TRIM38: variants seen among roughly 807,000 people sequenced by gnomAD.
TRIM38 encodes the protein E3 ubiquitin-protein ligase TRIM38.
A neutral mutation model predicts 35.8 loss-of-function variants in TRIM38; 35 were observed. The observed-to-expected ratio is 0.98, with a 90% CI of 0.75 to 1.30. The LOEUF is 1.30. Among genes scored for constraint, TRIM38 ranks in the 50% most tolerant of loss-of-function variants. The pLI, the probability that TRIM38 is intolerant of heterozygous loss-of-function variation, is 0.00. For synonymous variants in TRIM38, 198 were observed against 204.7 expected (o/e 0.97, Z 0.28); for missense variants, 545 against 556.9 (o/e 0.98, Z 0.21).
At chr6:25,967,292 A>G (rs1760087205) in intron 3 of TRIM38, among the ~76,000 whole-genome samples, 1 of 152,222 alleles carries the variant, frequency 6.6e-6, no homozygotes, top group Admixed American at 6.5e-5. Flanking sequence ...AAAACAGGGA[A>G]GAAAGACCCA....
Position 25,966,841 on chromosome 6 carries a change from G to T in TRIM38, c.319G>T (p.Glu107Ter). ...GEQFHLFCED[E>*]GQLICWRCER... ...GCAGTTCCACCTGTTCTGCGAAGAC[G>T]AGGGGCAGCTCATCTGCTGGCGCTG... Residue 107 changes from glutamate to a stop codon, truncating the protein, a stop_gained, in exon 3 of 8, where the codon GAG (glutamate) becomes TAG (stop). Transcript: ENST00000357085. LOFTEE classifies it high-confidence loss of function. 1 of 1,614,194 alleles carries T rather than the reference G, an allele frequency of 6.2e-7. No homozygotes were observed. The highest frequency in any genetic ancestry group is 8.5e-7 in the Non-Finnish European group (1 of 1,180,030).
intron 3 of TRIM38, 89 bp downstream of exon 3, chr6:25,967,022 T>G: frequency 7.4e-7 from 1 of 1,358,612 alleles, no homozygotes; most frequent in Non-Finnish European, 1.0e-6. Context: ...AACCTAACAT[T>G]ATGACTTGGA....
chr6:25,978,914 C>A (rs912363087), intron 7 of TRIM38, among the ~76,000 whole-genome samples: 2 of 152,078 alleles, frequency 1.3e-5, no homozygotes, highest in East Asian at 3.9e-4. Flanking sequence ...GTGATTGACC[C>A]GCCTCAGCCT....
At chr6:25,975,403 T>C (rs1760362673) in intron 7 of TRIM38, 1 of 183,214 alleles carries the variant, frequency 5.5e-6, no homozygotes, top group Non-Finnish European at 1.0e-5. Context: ...GGTTTCACAA[T>C]GTTGGCCAGG....
In TRIM38 at chr6:25,963,245, G is replaced by C. The variant is rs112770666; in HGVS notation, c.-226G>C. 16 of 152,432 alleles carry C rather than the reference G, an allele frequency of 1.0e-4. No individual in the cohort carries two copies. Among genetic ancestry groups the C allele is most frequent in the African/African-American group, 3.4e-4 (14 of 41,552 alleles). The allele number at this position is 152,432 out of a possible 1,614,324, so 9.4% of individuals were successfully genotyped here. On this transcript the variant is annotated 5_prime_UTR_variant, in exon 2 of 8. Transcript: ENST00000357085. ...CAGAAGAAATTCTGTGTGGCTTCAAGAGACTGATCAAATTGTGAGAGGAAA... is the reference window on the plus strand; with the variant it reads ...CAGAAGAAATTCTGTGTGGCTTCAACAGACTGATCAAATTGTGAGAGGAAA...
intron 3 of TRIM38, 30 bp from the exon 4 acceptor site, chr6:25,969,295 T>C: frequency 6.4e-7 from 1 of 1,565,342 alleles, no homozygotes; most frequent in Non-Finnish European, 8.8e-7. Flanking sequence ...TCAAATTGAA[T>C]AGGCTTCACT....
intron 2 of TRIM38, among the ~76,000 whole-genome samples, chr6:25,964,857 G>T (rs1759969263): frequency 6.6e-6 from 1 of 150,512 alleles, no homozygotes; most frequent in Non-Finnish European, 1.5e-5. Context: ...TTTCACCCAG[G>T]CTGGAGTGCA....
rs771830791 is a variant in TRIM38 at position 25,966,596 on chromosome 6, A to G, written c.74A>G (p.Asn25Ser). 3 of 1,614,196 alleles carry G rather than the reference A, an allele frequency of 1.9e-6. No homozygotes were observed. The highest frequency in any genetic ancestry group is 2.2e-5 in the South Asian group (2 of 91,082). ...TCSICLSLMT[N>S]PVSINCGHSY... ...TCCATCTGCCTGAGCCTGATGACGAACCCAGTAAGCATCAACTGTGGACAC... is the reference window on the plus strand; with the variant it reads ...TCCATCTGCCTGAGCCTGATGACGAGCCCAGTAAGCATCAACTGTGGACAC... Residue 25 changes from asparagine (N) to serine (S), a missense_variant, in exon 3 of 8, where the codon AAC becomes AGC. Coordinates refer to ENST00000357085, the MANE Select transcript of TRIM38 (RefSeq NM_006355.5).
chr6:25,985,873 T>G lies in TRIM38; in HGVS notation c.*2186T>G, dbSNP rs1274578839. 2 of 152,110 alleles carry G rather than the reference T, an allele frequency of 1.3e-5. No homozygotes were observed. The highest frequency in any genetic ancestry group is 2.4e-5 in the African/African-American group (1 of 41,410). The allele number at this position is 152,110 out of a possible 1,614,324, so 9.4% of individuals were successfully genotyped here. ...ATTCTATATCCCTAAGCACTTAGAT[T>G]GCTGAATAAGAAAGAATGATAATAA... On this transcript the variant is annotated 3_prime_UTR_variant, in exon 8 of 8. Coordinates refer to ENST00000357085, the MANE Select transcript of TRIM38 (RefSeq NM_006355.5).
chr6:25,965,394 C>T (rs1169004857), intron 2 of TRIM38, among the ~76,000 whole-genome samples: 1 of 152,148 alleles, frequency 6.6e-6, no homozygotes, highest in Non-Finnish European at 1.5e-5. Flanking sequence ...ATGATAGTGG[C>T]TACTGTATTA....
In TRIM38 at chr6:25,985,730, T is replaced by G. The variant is rs1040130987; in HGVS notation, c.*2043T>G. 2 of 152,190 alleles carry G rather than the reference T, an allele frequency of 1.3e-5. No individual in the cohort carries two copies. The highest frequency in any genetic ancestry group is 2.9e-5 in the Non-Finnish European group (2 of 68,038). 9.4% of individuals were successfully genotyped at this position (152,190 alleles called of 1,614,324 possible). A position where few individuals can be genotyped will look rare whatever the true frequency, so the allele number is the denominator to read the frequency against. ...AGTGAAGATGTAATCTGGATATTCA[T>G]AAGCTCTTCTCTACCTCTTGGCATC... On this transcript the variant is annotated 3_prime_UTR_variant, in exon 8 of 8. Transcript: ENST00000357085.
At chr6:25,982,072 A>G (rs1344101565) in intron 7 of TRIM38, among the ~76,000 whole-genome samples, 3 of 152,072 alleles carry the variant, frequency 2.0e-5, no homozygotes, top group African/African-American at 7.2e-5. Flanking sequence ...TGGCCTTTGG[A>G]ACACCAAGCT....
rs144606645 is a variant in TRIM38 at position 25,989,268 on chromosome 6, T to G, written c.*5581T>G. On this transcript the variant is annotated 3_prime_UTR_variant, in exon 8 of 8. Coordinates refer to ENST00000357085, the MANE Select transcript of TRIM38 (RefSeq NM_006355.5). ...TTTTCTTACTGTTGAGTTTTAAGTATTCTTTGTATATTCTAAAAATATTGT... is the reference window on the plus strand; with the variant it reads ...TTTTCTTACTGTTGAGTTTTAAGTAGTCTTTGTATATTCTAAAAATATTGT... The G allele has an allele frequency of 3.3e-5, 5 of 152,346 alleles. No individual in the cohort carries two copies. The highest frequency in any genetic ancestry group is 5.9e-5 in the Non-Finnish European group (4 of 68,026). The allele number at this position is 152,346 out of a possible 1,614,324, so 9.4% of individuals were successfully genotyped here.
rs746457578 is a variant in TRIM38 at position 25,973,285 on chromosome 6, G to GGT, written c.874+1_874+2dup. ...GAAGAAAATGTTAAGGAGTCATCAA[G>GGT]GTATGTTCACTAAAGAATTCCTGAA... On this transcript the variant is annotated frameshift_variant and splice_region_variant. Coordinates refer to ENST00000357085, the MANE Select transcript of TRIM38 (RefSeq NM_006355.5). LOFTEE classifies it high-confidence loss of function. 7.4e-6 allele frequency: 12 copies of GGT among 1,613,038 alleles called. No homozygotes were observed. In the South Asian group the frequency reaches 1.3e-4, roughly 18 times the overall value.
In TRIM38 at chr6:25,990,543, A is replaced by G. The variant is rs1760810217; in HGVS notation, c.*6856A>G. 6.6e-6 allele frequency: 1 copy of G among 152,112 alleles called. No individual in the cohort carries two copies. Among genetic ancestry groups the G allele is most frequent in the African/African-American group, 2.4e-5 (1 of 41,410 alleles). The allele number at this position is 152,112 out of a possible 1,614,324, so 9.4% of individuals were successfully genotyped here. The stretch of plus-strand genomic sequence containing the variant: ...GGTCTTGAACTACTGGGCTCAAGCA[A>G]TCCTCCCACCTTAGCCTCCCAAAGT... On this transcript the variant is annotated 3_prime_UTR_variant, in exon 8 of 8. Transcript: ENST00000357085.
In TRIM38 at chr6:25,983,508, G is replaced by C. The variant is rs749899732; in HGVS notation, c.1219G>C (p.Glu407Gln). 6.2e-7 allele frequency: 1 copy of C among 1,614,116 alleles called. No homozygotes were observed. Among genetic ancestry groups the C allele is most frequent in the East Asian group, 2.2e-5 (1 of 44,864 alleles). ...TSPPTSLHLHEQPLLVGIFLD... is the reference protein window; with the variant it reads ...TSPPTSLHLHQQPLLVGIFLD... ...TCCCCCAACTTCCCTTCATCTGCAT[G>C]AGCAGCCCCTGCTTGTGGGAATTTT... The change falls in exon 8 of 8, where the codon GAG (glutamate) becomes CAG (glutamine). Residue 407 changes from glutamate (E) to glutamine (Q), a missense_variant. Glu to Gln is a conservative substitution (Grantham distance 29). Coordinates refer to ENST00000357085, the MANE Select transcript of TRIM38 (RefSeq NM_006355.5).
Position 25,972,019 on chromosome 6 carries a change from G to T in TRIM38, c.658G>T (p.Gly220Trp). The T allele has an allele frequency of 6.2e-7, 1 of 1,614,162 alleles. No individual in the cohort carries two copies. Among genetic ancestry groups the T allele is most frequent in the Non-Finnish European group, 8.5e-7 (1 of 1,180,032 alleles). The change falls in exon 5 of 8, where the codon GGG (glycine) becomes TGG (tryptophan). Residue 220 changes from glycine (G) to tryptophan (W), a missense_variant. By Grantham distance (184) the Gly-to-Trp change is radical. Transcript: ENST00000357085. ...SRLRDYEAGL[G>W]LKSNELKSHI... is the part of the protein sequence containing the mutation. ...ACTGAGGGACTATGAGGCTGGTCTG[G>T]GGCTGAAGAGCAATGAACTCAAGAG... is the stretch of plus-strand genomic sequence containing the variant.
chr6:25,975,775 A>ATT, intron 7 of TRIM38: 4 of 816,798 alleles, frequency 4.9e-6, no homozygotes, highest in Non-Finnish European at 5.9e-6. Flanking sequence ...AATATTCCAT[A>ATT]AGAATATAAT....
chr6:25,963,661 A>C (rs1047300517), intron 2 of TRIM38, among the ~76,000 whole-genome samples: 2 of 152,180 alleles, frequency 1.3e-5, no homozygotes, highest in Non-Finnish European at 2.9e-5. Flanking sequence ...GCTCCTCAGG[A>C]GCAAACCCTC....
Sources: gnomAD v4.1 joint callset for allele counts (sites outside exome capture counted in the v4.1 genomes callset) on GRCh38, gnomAD v4.1.1 for gene constraint, MANE v1.5 for transcripts, NCBI Gene and HGNC (gene_info 2026-07-23, HGNC 2026-07-21) for gene names.